CAMTA1: variants seen among roughly 807,000 people sequenced by gnomAD.
CAMTA1 encodes the protein calmodulin-binding transcription activator 1.
CAMTA1 carries 27 observed loss-of-function variants against 170.9 expected under a neutral mutation model. The observed-to-expected ratio is 0.16, with a 90% CI of 0.12 to 0.22. The LOEUF (loss-of-function observed/expected upper bound fraction) is 0.22. Among genes scored for constraint, CAMTA1 ranks in the 10% least tolerant of loss-of-function variants. The pLI, the probability that CAMTA1 is intolerant of heterozygous loss-of-function variation, is 1.00. For synonymous variants in CAMTA1, 833 were observed against 891.5 expected, an observed-to-expected ratio of 0.93 and a Z score of 1.17; for missense variants, 1,619 against 2,217.2, an observed-to-expected ratio of 0.73 and a Z score of 5.42.
chr1:6,980,417 G>A (rs1694241264), intron 3 of CAMTA1, among the ~76,000 whole-genome samples: 1 of 152,164 alleles, frequency 6.6e-6, no homozygotes, highest in Admixed American at 6.5e-5. Context: ...CGGGAGTCAC[G>A]AGCCCGTGGA....
At chr1:7,469,160 T>C (rs2093280130) in intron 6 of CAMTA1, among the ~76,000 whole-genome samples, 1 of 152,176 alleles carries the variant, frequency 6.6e-6, no homozygotes, top group South Asian at 2.1e-4. Flanking sequence ...AGAGGCTGCT[T>C]CCCAATACCT....
At chr1:7,631,549 T>A (rs1172591821) in intron 6 of CAMTA1, among the ~76,000 whole-genome samples, 1 of 152,136 alleles carries the variant, frequency 6.6e-6, no homozygotes, top group African/African-American at 2.4e-5. Context: ...AAATGCCCAC[T>A]GGGAGGTATG....
chr1:7,250,598 C>A (rs1414627383), intron 5 of CAMTA1, among the ~76,000 whole-genome samples: 2 of 152,208 alleles, frequency 1.3e-5, no homozygotes, highest in African/African-American at 4.8e-5. Context: ...TGTTACCCTT[C>A]CACGCCAATG....
rs2148882045 is a variant in CAMTA1 at position 7,634,020 on chromosome 1, C to A, written c.511-6380C>A. The stretch of plus-strand genomic sequence containing the variant: ...GCCAGGTGCATGAGGCAGGCAGCGG[C>A]CAGCAAGAAGCACAGGTGGCCCGGC... On this transcript the variant is annotated intron_variant, in intron 6 of 22. Transcript: ENST00000303635. This position sits in a 1 kb window ranked among gnomAD's most constrained non-coding sequence, Gnocchi z 6.2. Among the ~76,000 whole-genome samples the A allele has an allele frequency of 6.6e-6, 1 of 152,256 alleles. No homozygotes were observed. Among genetic ancestry groups the A allele is most frequent in the South Asian group, 2.1e-4 (1 of 4,824 alleles).
intron 3 of CAMTA1, among the ~76,000 whole-genome samples, chr1:7,037,855 G>T (rs575159563): frequency 6.7e-6 from 1 of 149,810 alleles, no homozygotes; most frequent in Non-Finnish European, 1.5e-5. Context: ...AAAAAATGCA[G>T]CTTTGGGAAA....
intron 3 of CAMTA1, among the ~76,000 whole-genome samples, chr1:7,085,066 G>A (rs916525120): frequency 3.9e-5 from 6 of 152,188 alleles, no homozygotes; most frequent in Admixed American, 3.9e-4. Flanking sequence ...CATGTGCCAT[G>A]GTGGCTTGCT....
chr1:6,914,102 C>G (rs947582286), intron 3 of CAMTA1, among the ~76,000 whole-genome samples: 1 of 122,070 alleles, frequency 8.2e-6, no homozygotes, highest in South Asian at 2.7e-4. Context: ...GGGCTCATCT[C>G]TTTTTTTTTT....
chr1:6,945,754 T>C (rs1687464621), intron 3 of CAMTA1, among the ~76,000 whole-genome samples: 2 of 152,192 alleles, frequency 1.3e-5, no homozygotes, highest in East Asian at 3.8e-4. Flanking sequence ...AATCATGAGA[T>C]GTATGGTCTT....
At chr1:7,217,401 A>G (rs573928124) in intron 4 of CAMTA1, among the ~76,000 whole-genome samples, 1 of 152,324 alleles carries the variant, frequency 6.6e-6, no homozygotes, top group Admixed American at 6.5e-5. Context: ...GTGAGAACAA[A>G]CTAATACACT....
At chr1:7,720,337 G>A (rs2096641325) in intron 11 of CAMTA1, among the ~76,000 whole-genome samples, 1 of 152,148 alleles carries the variant, frequency 6.6e-6, no homozygotes, top group Non-Finnish European at 1.5e-5. Flanking sequence ...CTCTTGAAAA[G>A]GGGGAACATC....
At chr1:7,171,016 GT>G (rs1486894438) in intron 4 of CAMTA1, among the ~76,000 whole-genome samples, 1 of 152,096 alleles carries the variant, frequency 6.6e-6, no homozygotes, top group Non-Finnish European at 1.5e-5. Context: ...CCTGATTTTA[GT>G]TTCAGTTTGA....
At chr1:7,752,335 A>G in intron 20 of CAMTA1, 124 bp from the exon 21 acceptor site, 1 of 781,564 alleles carries the variant, frequency 1.3e-6, no homozygotes, top group Non-Finnish European at 2.2e-6. Flanking sequence ...ATACATCTTT[A>G]ACATATGCTG....
intron 5 of CAMTA1, among the ~76,000 whole-genome samples, chr1:7,328,395 T>C (rs767925902): frequency 2.0e-5 from 3 of 152,136 alleles, no homozygotes; most frequent in Non-Finnish European, 4.4e-5. Flanking sequence ...CTTGGGAGGC[T>C]GAAGTGGGAG....
chr1:6,992,560 A>C (rs1050173327), intron 3 of CAMTA1, among the ~76,000 whole-genome samples: 2 of 152,236 alleles, frequency 1.3e-5, no homozygotes, highest in African/African-American at 4.8e-5. Flanking sequence ...TGGGTAATTT[A>C]TCAAGAAAAG....
intron 3 of CAMTA1, among the ~76,000 whole-genome samples, chr1:6,985,445 T>G (rs1366120427): frequency 6.6e-6 from 1 of 152,268 alleles, no homozygotes; most frequent in East Asian, 1.9e-4. Context: ...ACTTTTACAA[T>G]GCAGAATCTA....
intron 3 of CAMTA1, among the ~76,000 whole-genome samples, chr1:7,082,457 A>ATAGC (rs1459127987): frequency 6.6e-6 from 1 of 151,592 alleles, no homozygotes; most frequent in Non-Finnish European, 1.5e-5. Context: ...AGATAGATAG[A>ATAGC]TAGATAGATA....
intron 11 of CAMTA1, among the ~76,000 whole-genome samples, chr1:7,718,427 C>T (rs915857341): frequency 6.6e-6 from 1 of 152,072 alleles, no homozygotes; most frequent in Non-Finnish European, 1.5e-5. Context: ...TCGTTTCTGT[C>T]TTTGCAGTTT....
chr1:7,755,139 G>A lies in CAMTA1; in HGVS notation c.4959-499G>A, dbSNP rs1037378350. Among the ~76,000 whole-genome samples the A allele has an allele frequency of 6.6e-5, 10 of 151,810 alleles. No individual in the cohort carries two copies. In the Middle Eastern group the frequency reaches 0.01, roughly 155 times the overall value. On this transcript the variant is annotated intron_variant, in intron 21 of 22. Transcript: ENST00000303635. ...TCAGGAGTTTGAGACCAGCCTGGCC[G>A]ACATGGTGAAACCCTGTCTCTACTA...
intron 3 of CAMTA1, among the ~76,000 whole-genome samples, chr1:7,079,934 C>A (rs553246454): frequency 6.6e-6 from 1 of 152,092 alleles, no homozygotes. Flanking sequence ...TGTAAAATTC[C>A]GTATAGAGTA....
Sources: allele counts gnomAD v4.1 joint callset (sites outside exome capture counted in the v4.1 genomes callset), GRCh38; gene constraint gnomAD v4.1.1; non-coding constraint Gnocchi (gnomAD v3.1); transcripts MANE v1.5; gene names NCBI Gene and HGNC (gene_info 2026-07-23, HGNC 2026-07-21).